The following UNC93A variants were observed in gnomAD, a reference collection of about 807,000 sequenced individuals.
UNC93A encodes the protein unc-93 homolog A.
In UNC93A, 43 loss-of-function variants were observed where a neutral mutation model predicts 47.5. That is an observed-to-expected ratio of 0.91 (90% confidence interval 0.71 to 1.17). UNC93A has a LOEUF of 1.17. Ranked by LOEUF, UNC93A falls within the 50% of genes most tolerant of loss-of-function variation. The pLI, the probability that UNC93A is intolerant of heterozygous loss-of-function variation, is 0.00. For missense variants in UNC93A, 605 were observed against 577.6 expected, an observed-to-expected ratio of 1.05 and a Z score of -0.49; for synonymous variants, 280 against 258.0, an observed-to-expected ratio of 1.09 and a Z score of -0.82.
chr6:167,301,604 T>C (rs1357046848), intron 4 of UNC93A, among the ~76,000 whole-genome samples: 1 of 152,192 alleles, frequency 6.6e-6, no homozygotes, highest in Non-Finnish European at 1.5e-5. Flanking sequence ...CAGAAGGCTC[T>C]GAGTCACATG....
chr6:167,281,945 A>G (rs1385114586), intron 1 of UNC93A, among the ~76,000 whole-genome samples: 1 of 152,232 alleles, frequency 6.6e-6, no homozygotes, highest in Non-Finnish European at 1.5e-5. Context: ...GGTGACATGT[A>G]GATGACGACC....
Position 167,296,229 on chromosome 6 carries a change from C to G in UNC93A, c.467C>G (p.Ser156Ter). The G allele has an allele frequency of 6.2e-7, 1 of 1,614,220 alleles. No homozygotes were observed. The highest frequency in any genetic ancestry group is 1.3e-5 in the African/African-American group (1 of 75,032). ...QSSGVWGNLI[S>*]SLVFGQTPSQ... Reference sequence around the variant, plus strand: ...TCCGGTGTGTGGGGCAACTTGATCTCATCGCTGGTATTTGGCCAGACTCCC... The same window carrying G: ...TCCGGTGTGTGGGGCAACTTGATCTGATCGCTGGTATTTGGCCAGACTCCC... Residue 156 changes from serine to a stop codon, truncating the protein, a stop_gained, in exon 3 of 8, where the codon TCA becomes TGA. Transcript: ENST00000230256. LOFTEE classifies it high-confidence loss of function.
intron 4 of UNC93A, among the ~76,000 whole-genome samples, chr6:167,302,349 C>A (rs12662811): frequency 0.26 from 39,226 of 151,696 alleles, 5,113 homozygotes; most frequent in Middle Eastern, 0.32. Flanking sequence ...TAATTCCCGT[C>A]GTCTTTAGAG....
rs59586874 is a variant in UNC93A at position 167,276,645 on chromosome 6, T to C, written c.-52+5187T>C. On this transcript the variant is annotated intron_variant, in intron 1 of 3. Transcript: ENST00000503433. ...CAGAGTCCCGGGATCCCAGCTGTGC[T>C]GTGCTCCTCCTTCAGCTGTGGGATC... Among the ~76,000 whole-genome samples, 1,018 of 152,288 alleles carry C rather than the reference T, an allele frequency of 6.7e-3. 9 individuals carry two copies. The highest frequency in any genetic ancestry group is 0.023 in the African/African-American group (960 of 41,530).
At chr6:167,273,244 T>A (rs1003212396) in intron 1 of UNC93A, among the ~76,000 whole-genome samples, 1 of 152,058 alleles carries the variant, frequency 6.6e-6, no homozygotes, top group African/African-American at 2.4e-5. Flanking sequence ...TCACCATGAC[T>A]GCTCATCTTT....
At chr6:167,273,310 G>A (rs1783481807) in intron 1 of UNC93A, among the ~76,000 whole-genome samples, 3 of 152,068 alleles carry the variant, frequency 2.0e-5, no homozygotes, top group Admixed American at 6.5e-5. Flanking sequence ...CTAACTCCAG[G>A]TGAAGCCCAC....
At chr6:167,298,093 G>A (rs1157318853) in intron 4 of UNC93A, 23 bp downstream of exon 4, 10 of 1,609,692 alleles carry the variant, frequency 6.2e-6, no homozygotes, top group Non-Finnish European at 7.6e-6. Flanking sequence ...TCGGCCCAGG[G>A]CAGGGTCCCT....
chr6:167,306,485 A>G (rs190118511), intron 6 of UNC93A, among the ~76,000 whole-genome samples: 1 of 152,066 alleles, frequency 6.6e-6, no homozygotes, highest in Non-Finnish European at 1.5e-5. Context: ...AAGGCCACAG[A>G]CTCCTCCCTA....
At chr6:167,290,133 T>C (rs1237733545), upstream of UNC93A, among the ~76,000 whole-genome samples, 2 of 152,208 alleles carry the variant, frequency 1.3e-5, no homozygotes, top group Non-Finnish European at 2.9e-5. Flanking sequence ...TGAGATCACC[T>C]AGCTAACAAA....
At chr6:167,313,922 G>A (rs1778622286) in intron 7 of UNC93A, among the ~76,000 whole-genome samples, 1 of 152,120 alleles carries the variant, frequency 6.6e-6, no homozygotes, top group Admixed American at 6.5e-5. Context: ...TTTTATTAAG[G>A]TGGACAATGT....
In UNC93A at chr6:167,285,960, CTATA is replaced by C. The variant is rs71554919; in HGVS notation, c.-51-5462_-51-5459del. On this transcript the variant is annotated intron_variant, in intron 1 of 3. Coordinates refer to the UNC93A transcript ENST00000503433. Reference sequence around the variant, plus strand: ...TCTTTCTCTCTCTCTCTCTCTCTCTCTATATATATATATATATATACACACACAC... The same window carrying C: ...TCTTTCTCTCTCTCTCTCTCTCTCTCTATATATATATATATACACACACAC... 3.9e-3 allele frequency among the ~76,000 whole-genome samples: 539 copies of C among 139,348 alleles called. 10 individuals are homozygous for C. The highest frequency in any genetic ancestry group is 0.013 in the African/African-American group (514 of 38,584). 91.4% of individuals were successfully genotyped at this position (139,348 alleles called of 152,430 possible).
chr6:167,283,800 G>A (rs1305347499), intron 1 of UNC93A, among the ~76,000 whole-genome samples: 2 of 152,146 alleles, frequency 1.3e-5, no homozygotes, highest in Admixed American at 6.5e-5. Flanking sequence ...GGTTAAAAGA[G>A]TATAGTCACA....
At chr6:167,297,918 T>C (rs373618311) in intron 3 of UNC93A, 27 bp from the exon 4 acceptor site, 20 of 1,610,232 alleles carry the variant, frequency 1.2e-5, no homozygotes, top group Non-Finnish European at 1.5e-5. Flanking sequence ...CGTCATCTCA[T>C]GTCTCCTGTC....
chr6:167,272,537 G>A (rs141094987), intron 1 of UNC93A, among the ~76,000 whole-genome samples: 1 of 152,320 alleles, frequency 6.6e-6, no homozygotes, highest in Non-Finnish European at 1.5e-5. Flanking sequence ...TGCCCAAGGT[G>A]GTGGGGAGCA....
chr6:167,310,153 G>A (rs4709163), intron 7 of UNC93A, among the ~76,000 whole-genome samples: 36,749 of 149,472 alleles, frequency 0.25, 2,301 homozygotes, highest in East Asian at 0.44. Context: ...TGGCAGAGCC[G>A]GTGTTTCACT....
chr6:167,295,347 T>C (rs1359242157), intron 2 of UNC93A, among the ~76,000 whole-genome samples: 3 of 152,214 alleles, frequency 2.0e-5, no homozygotes, highest in Non-Finnish European at 4.4e-5. Flanking sequence ...CCCGAGCCGG[T>C]CACTAGGTCT....
upstream of UNC93A, among the ~76,000 whole-genome samples, chr6:167,290,272 G>A (rs544646647): frequency 6.6e-6 from 1 of 152,248 alleles, no homozygotes; most frequent in South Asian, 2.1e-4. Context: ...AAAAGCTATT[G>A]TTTTCATAAA....
In UNC93A at chr6:167,298,085, G is replaced by A. The variant is rs759880323; in HGVS notation, c.625+15G>A. On this transcript the variant is annotated intron_variant, in intron 4 of 7. Transcript: ENST00000230256. ...CATCTACACTGGTACGAGCTCCATC[G>A]GCCCAGGGCAGGGTCCCTAGCAAAG... 158 of 1,611,984 alleles carry A rather than the reference G, an allele frequency of 9.8e-5. No individual in the cohort carries two copies. Among genetic ancestry groups the A allele is most frequent in the South Asian group, 3.9e-4 (35 of 90,842 alleles).
At chr6:167,293,645 C>A (rs1273373981) in intron 1 of UNC93A, among the ~76,000 whole-genome samples, 2 of 152,172 alleles carry the variant, frequency 1.3e-5, no homozygotes, top group Non-Finnish European at 2.9e-5. Context: ...CATCCCCAGG[C>A]TCCCTCCTCA....
Sources: allele counts gnomAD v4.1 joint callset (sites outside exome capture counted in the v4.1 genomes callset), GRCh38; gene constraint gnomAD v4.1.1; transcripts MANE v1.5; gene names NCBI Gene and HGNC (gene_info 2026-07-23, HGNC 2026-07-21).